Variants in DCAF4 observed in about 807,000 individuals in gnomAD.
The protein encoded by DCAF4 is DDB1- and CUL4-associated factor 4.
In DCAF4, 37 loss-of-function variants were observed where a neutral mutation model predicts 60.9. The observed-to-expected ratio is 0.61, with a 90% confidence interval of 0.47 to 0.80. The LOEUF (loss-of-function observed/expected upper bound fraction) is 0.80. DCAF4 is among the 30% of genes least tolerant of loss of function. The pLI, the probability that DCAF4 is intolerant of heterozygous loss-of-function variation, is 0.00. For synonymous variants in DCAF4, 243 were observed against 254.8 expected, an observed-to-expected ratio of 0.95 and a Z score of 0.44; for missense variants, 577 against 650.0, an observed-to-expected ratio of 0.89 and a Z score of 1.22.
At chr14:72,944,497 C>T (rs1287768093) in intron 6 of DCAF4, among the ~76,000 whole-genome samples, 2 of 152,096 alleles carry the variant, frequency 1.3e-5, no homozygotes, top group Non-Finnish European at 2.9e-5. Flanking sequence ...AAAAGAAAAG[C>T]TTAAAATAGC....
In DCAF4 at chr14:72,930,246, C is replaced by CTTT. The variant is rs57515626; in HGVS notation, c.-9+3713_-9+3715dup. Among the ~76,000 whole-genome samples the CTTT allele has an allele frequency of 2.4e-3, 357 of 147,476 alleles. 3 individuals carry two copies. Among genetic ancestry groups the CTTT allele is most frequent in the Non-Finnish European group, 3.8e-3 (254 of 67,010 alleles). On this transcript the variant is annotated intron_variant, in intron 1 of 13. Coordinates refer to ENST00000358377, the MANE Select transcript of DCAF4 (RefSeq NM_015604.4). ...CAGTTGGCTATTTGTGTAGCTTTTT[C>CTTT]TTTTTTTTTTTTGAGACGGAGTTTT...
chr14:72,948,832 A>G (rs1044893416), intron 8 of DCAF4, among the ~76,000 whole-genome samples: 6 of 152,140 alleles, frequency 3.9e-5, no homozygotes, highest in African/African-American at 1.2e-4. Context: ...TTCCTGCAAG[A>G]GTGGTGGGAA....
intron 1 of DCAF4, among the ~76,000 whole-genome samples, chr14:72,928,717 T>C (rs1313132014): frequency 6.6e-6 from 1 of 152,080 alleles, no homozygotes; most frequent in Non-Finnish European, 1.5e-5. Flanking sequence ...CACTGTCTAA[T>C]TCTGGAACAT....
chr14:72,935,399 C>T (rs1480672339), intron 1 of DCAF4, among the ~76,000 whole-genome samples: 1 of 152,148 alleles, frequency 6.6e-6, no homozygotes, highest in Admixed American at 6.6e-5. Context: ...GGATTACAGG[C>T]ACCAGCCACC....
intron 1 of DCAF4, among the ~76,000 whole-genome samples, chr14:72,932,779 AC>A (rs1888733921): frequency 6.6e-6 from 1 of 152,150 alleles, no homozygotes; most frequent in African/African-American, 2.4e-5. Context: ...TATGTTGCCC[AC>A]ACTGGTCTCA....
intron 1 of DCAF4, 42 bp from the exon 2 acceptor site, chr14:72,937,929 C>A: frequency 6.5e-7 from 1 of 1,535,878 alleles, no homozygotes; most frequent in South Asian, 1.3e-5. Context: ...AGCCCATGCC[C>A]ACACACAGAG....
chr14:72,940,410 T>C, intron 4 of DCAF4, 33 bp downstream of exon 4: 1 of 1,580,106 alleles, frequency 6.3e-7, no homozygotes, highest in Non-Finnish European at 8.6e-7. Context: ...CCCTGTCCTC[T>C]CCGCTCCTGC....
chr14:72,954,576 A>C (rs57911111), intron 11 of DCAF4, 93 bp downstream of exon 11: 264,582 of 1,143,124 alleles, frequency 0.23, 35,091 homozygotes, highest in East Asian at 0.52. Flanking sequence ...GCCATCTAGT[A>C]CTCTTTGACA....
rs1448872720 is a variant in DCAF4 at position 72,959,502 on chromosome 14, C to T, written c.*697C>T. 1.2e-5 allele frequency: 12 copies of T among 985,476 alleles called. No individual in the cohort carries two copies. The South Asian group carries it at 2.3e-4, about 19-fold the overall frequency. 61.0% of individuals were successfully genotyped at this position (985,476 alleles called of 1,614,324 possible). A position where few individuals can be genotyped will look rare whatever the true frequency, so the allele number is the denominator to read the frequency against. The stretch of plus-strand genomic sequence containing the variant: ...GGTTCAGCAGCTCTGGTTTCTATTA[C>T]GGTGACTTGAATGTCAGATTCAAGG... On this transcript the variant is annotated 3_prime_UTR_variant, in exon 14 of 14. Transcript: ENST00000358377.
In DCAF4 at chr14:72,943,115, C is replaced by G. The variant is rs780402694; in HGVS notation, c.534+19C>G. Reference sequence around the variant, plus strand: ...CATACTGGTGAGTGGGAGGGGGACACCTGCCTAGGGTGTGGCTGCCACCCT... The same window carrying G: ...CATACTGGTGAGTGGGAGGGGGACAGCTGCCTAGGGTGTGGCTGCCACCCT... On this transcript the variant is annotated intron_variant, in intron 6 of 13. Transcript: ENST00000358377. 1 of 1,611,008 alleles carries G rather than the reference C, an allele frequency of 6.2e-7. No homozygotes were observed. Among genetic ancestry groups the G allele is most frequent in the Non-Finnish European group, 8.5e-7 (1 of 1,177,364 alleles).
intron 1 of DCAF4, among the ~76,000 whole-genome samples, chr14:72,928,596 T>TATATAA (rs1888033739): frequency 7.2e-5 from 2 of 27,930 alleles, no homozygotes; most frequent in South Asian, 6.1e-4. Flanking sequence ...TATATATATA[T>TATATAA]ATATATATAT....
chr14:72,956,784 G>A, intron 13 of DCAF4: 1 of 379,826 alleles, frequency 2.6e-6, no homozygotes, highest in South Asian at 2.2e-5. Context: ...CCTGGGTTTG[G>A]AGTTTGAGTG....
chr14:72,958,899 C>T lies in DCAF4; in HGVS notation c.*94C>T. The T allele has an allele frequency of 1.3e-6, 2 of 1,491,922 alleles. No individual in the cohort carries two copies. The allele number at this position is 1,491,922 out of a possible 1,614,324, so 92.4% of individuals were successfully genotyped here. On this transcript the variant is annotated 3_prime_UTR_variant, in exon 14 of 14. Transcript: ENST00000358377. ...TCTAATGAGGGTGTTTTAAGTGACA[C>T]TCAGTGTACACAGATCCCATCCTCT...
intron 1 of DCAF4, among the ~76,000 whole-genome samples, chr14:72,933,423 G>T (rs1159060035): frequency 1.3e-5 from 2 of 152,170 alleles, no homozygotes; most frequent in Non-Finnish European, 2.9e-5. Flanking sequence ...GCCAGGCATG[G>T]TGGCATGCGC....
chr14:72,953,098 T>C (rs1298383554), intron 9 of DCAF4, among the ~76,000 whole-genome samples: 2 of 142,366 alleles, frequency 1.4e-5, no homozygotes, highest in Non-Finnish European at 3.0e-5. Context: ...CCTCTGGGGC[T>C]CAAGCGATTC....
At chr14:72,947,473 G>C (rs1448618040) in intron 8 of DCAF4, among the ~76,000 whole-genome samples, 2 of 152,252 alleles carry the variant, frequency 1.3e-5, no homozygotes, top group East Asian at 1.9e-4. Context: ...GCATGTGGTG[G>C]AGACAGAATG....
At chr14:72,949,746 G>C (rs1891182628) in intron 8 of DCAF4, among the ~76,000 whole-genome samples, 1 of 152,188 alleles carries the variant, frequency 6.6e-6, no homozygotes, top group Non-Finnish European at 1.5e-5. Flanking sequence ...GAAAGAGCAA[G>C]ACTCCATCTC....
chr14:72,947,208 G>C lies in DCAF4; in HGVS notation c.728+17G>C. 2 of 1,613,926 alleles carry C rather than the reference G, an allele frequency of 1.2e-6. No homozygotes were observed. Among genetic ancestry groups the C allele is most frequent in the Non-Finnish European group, 1.7e-6 (2 of 1,179,914 alleles). On this transcript the variant is annotated intron_variant, in intron 8 of 13. Transcript: ENST00000358377. ...CCACATTCTGTATCCTTTGGCAGAG[G>C]AAGAGGTTTGGTGGGCAGGCCACAC...
chr14:72,945,895 C>G lies in DCAF4; in HGVS notation c.546C>G (p.Asn182Lys). Residue 182 changes from asparagine to lysine, a missense_variant, in exon 7 of 14, where the codon AAC (asparagine) becomes AAG (lysine). Asn to Lys is a moderately conservative substitution (Grantham distance 94). Transcript: ENST00000358377. ...DRFNLILADTNSDRLFTVNDV... is the reference protein window; with the variant it reads ...DRFNLILADTKSDRLFTVNDV... ...CTTCCCTTCTCCAGGCAGATACCAA[C>G]AGTGACCGGCTCTTCACAGTGAACG... 1 of 1,614,244 alleles carries G rather than the reference C, an allele frequency of 6.2e-7. No homozygotes were observed. The highest frequency in any genetic ancestry group is 8.5e-7 in the Non-Finnish European group (1 of 1,180,050).
Sources: allele counts gnomAD v4.1 joint callset (sites outside exome capture counted in the v4.1 genomes callset), GRCh38; gene constraint gnomAD v4.1.1; transcripts MANE v1.5; gene names NCBI Gene and HGNC (gene_info 2026-07-23, HGNC 2026-07-21).